Variants in AVL9 observed in about 807,000 individuals in gnomAD.
The protein encoded by AVL9 is AVL9 cell migration associated.
A neutral mutation model predicts 79.2 loss-of-function variants in AVL9; 49 were observed. The ratio of observed to expected loss-of-function variants is 0.62; its 90% CI spans 0.49 to 0.79. The LOEUF is 0.79. Ranked by LOEUF, AVL9 falls within the 30% of genes least tolerant of loss-of-function variation. The pLI is 0.00. For synonymous variants in AVL9, 299 were observed against 280.6 expected (o/e 1.07, Z -0.65); for missense variants, 682 against 776.8 (o/e 0.88, Z 1.45).
chr7:32,531,071 A>G (rs948167015), intron 1 of AVL9, among the ~76,000 whole-genome samples: 6 of 152,238 alleles, frequency 3.9e-5, no homozygotes, highest in African/African-American at 1.4e-4. Flanking sequence ...TTTTAAAGAA[A>G]AAAGACAAAT....
rs147078677 is a variant in AVL9, at chr7:32,554,312, T to C, written c.571-246T>C. 1.2e-4 allele frequency among the ~76,000 whole-genome samples: 18 copies of C among 152,314 alleles called. No individual in the cohort carries two copies. In the East Asian group the frequency reaches 3.5e-3, roughly 29 times the overall value. On this transcript the variant is annotated intron_variant, in intron 7 of 15. Coordinates refer to ENST00000318709, the MANE Select transcript of AVL9 (RefSeq NM_015060.3). Reference sequence around the variant, plus strand: ...GGGTCCCCTTTAAAGAGCTTACAGATACTTCAAGCAAAAATGGTACCACCC... The same window carrying C: ...GGGTCCCCTTTAAAGAGCTTACAGACACTTCAAGCAAAAATGGTACCACCC...
At chr7:32,553,607 A>G in intron 6 of AVL9, 120 bp from the exon 7 acceptor site, 2 of 681,900 alleles carry the variant, frequency 2.9e-6, no homozygotes, top group Non-Finnish European at 2.5e-6. Context: ...ATATTTGGAT[A>G]TTTGCATATT....
intron 1 of AVL9, among the ~76,000 whole-genome samples, chr7:32,512,641 C>T (rs1270242829): frequency 2.6e-5 from 4 of 152,132 alleles, no homozygotes; most frequent in African/African-American, 9.7e-5. Context: ...TGGTTTGATG[C>T]CTTTCTGTTC....
intron 10 of AVL9, among the ~76,000 whole-genome samples, chr7:32,564,896 G>A (rs7791704): frequency 0.84 from 127,554 of 152,136 alleles, 53,527 homozygotes; most frequent in Middle Eastern, 0.88. Context: ...TGTAATATTT[G>A]TGCTCTGCTG....
intron 15 of AVL9, among the ~76,000 whole-genome samples, chr7:32,583,441 T>G (rs1036558590): frequency 4.6e-5 from 7 of 152,228 alleles, no homozygotes; most frequent in African/African-American, 1.4e-4. Context: ...CTCACACCTG[T>G]GATCCCAACA....
intron 1 of AVL9, among the ~76,000 whole-genome samples, chr7:32,512,919 C>T (rs936502317): frequency 1.4e-5 from 2 of 138,820 alleles, no homozygotes; most frequent in Non-Finnish European, 3.2e-5. Context: ...ACTGACTCCT[C>T]TTGTTTCATA....
At chr7:32,570,808 A>C (rs1790801877) in intron 11 of AVL9, among the ~76,000 whole-genome samples, 1 of 151,066 alleles carries the variant, frequency 6.6e-6, no homozygotes, top group African/African-American at 2.4e-5. Flanking sequence ...TTTAGTAGAG[A>C]TGGGGTTTCA....
intron 10 of AVL9, among the ~76,000 whole-genome samples, chr7:32,566,905 A>C (rs1790606238): frequency 6.6e-6 from 1 of 152,068 alleles, no homozygotes; most frequent in Admixed American, 6.6e-5. Context: ...AGTAAATGTG[A>C]CTTTTAGTGT....
At chr7:32,543,308 T>G (rs981025778) in intron 2 of AVL9, 47 bp downstream of exon 2, 2 of 1,598,758 alleles carry the variant, frequency 1.3e-6, no homozygotes, top group Non-Finnish European at 1.7e-6. Context: ...TTTGAAAAAA[T>G]TTGCCAAGAT....
At position 32,588,018 on chromosome 7, in the gene AVL9, C is replaced by CTA. The variant is rs1295434933; in HGVS notation, c.*4112_*4113dup. On this transcript the variant is annotated 3_prime_UTR_variant, in exon 16 of 16. Transcript: ENST00000318709. ...GGGGTTGAATATATTTTGTAAAACTCTAAATACATTTGTATTTCTGTGCTG... is the reference window on the plus strand; with the variant it reads ...GGGGTTGAATATATTTTGTAAAACTCTATAAATACATTTGTATTTCTGTGCTG... 2 of 152,182 alleles carry CTA rather than the reference C, an allele frequency of 1.3e-5. No homozygotes were observed. The highest frequency in any genetic ancestry group is 4.8e-5 in the African/African-American group (2 of 41,444). The allele number at this position is 152,182 out of a possible 1,614,324, so 9.4% of individuals were successfully genotyped here. A position where few individuals can be genotyped will look rare whatever the true frequency, so the allele number is the denominator to read the frequency against.
intron 1 of AVL9, among the ~76,000 whole-genome samples, chr7:32,497,741 T>C (rs1786917196): frequency 6.6e-6 from 1 of 150,398 alleles, no homozygotes; most frequent in Admixed American, 6.6e-5. Context: ...AAGCTCTGCC[T>C]CCTGGGTTCA....
intron 1 of AVL9, among the ~76,000 whole-genome samples, chr7:32,540,712 A>C (rs971978320): frequency 1.3e-4 from 20 of 152,008 alleles, no homozygotes; most frequent in African/African-American, 4.8e-4. Flanking sequence ...GTTGCCCTCC[A>C]AACTGTTGTG....
chr7:32,584,393 T>C lies in AVL9; in HGVS notation c.*486T>C, dbSNP rs1406786175. On this transcript the variant is annotated 3_prime_UTR_variant, in exon 16 of 16. Coordinates refer to ENST00000318709, the MANE Select transcript of AVL9 (RefSeq NM_015060.3). ...TTCATTATTTTGCTGAATTATGTGATGATTTTTTTGCTTTCTACCCACAAA... is the reference window on the plus strand; with the variant it reads ...TTCATTATTTTGCTGAATTATGTGACGATTTTTTTGCTTTCTACCCACAAA... 1 of 153,694 alleles carries C rather than the reference T, an allele frequency of 6.5e-6. No individual in the cohort carries two copies. Among genetic ancestry groups the C allele is most frequent in the Admixed American group, 6.4e-5 (1 of 15,574 alleles). 9.5% of individuals were successfully genotyped at this position (153,694 alleles called of 1,614,324 possible). A position where few individuals can be genotyped will look rare whatever the true frequency, so the allele number is the denominator to read the frequency against.
rs561858694 is a variant in AVL9 at position 32,573,895 on chromosome 7, C to T, written c.1570+477C>T. ...AATGATTAAATCTTCAAATTTATAA[C>T]CCATTCTAAGAAATATTATTATTCG... is the stretch of plus-strand genomic sequence containing the variant. On this transcript the variant is annotated intron_variant, in intron 12 of 15. Transcript: ENST00000318709. Among the ~76,000 whole-genome samples, 11 of 152,192 alleles carry T rather than the reference C, an allele frequency of 7.2e-5. No individual in the cohort carries two copies. The South Asian group carries it at 2.3e-3, about 32-fold the overall frequency.
At chr7:32,549,037 T>C in intron 4 of AVL9, 119 bp downstream of exon 4, 2 of 533,374 alleles carry the variant, frequency 3.7e-6, no homozygotes, top group Admixed American at 4.0e-5. Context: ...ATTTATGCCC[T>C]AGCATCTCCT....
At chr7:32,565,109 G>A (rs1234842877) in intron 10 of AVL9, among the ~76,000 whole-genome samples, 1 of 152,204 alleles carries the variant, frequency 6.6e-6, no homozygotes, top group Non-Finnish European at 1.5e-5. Flanking sequence ...AAAATAGTTA[G>A]TGGAGGACTG....
Position 32,499,631 on chromosome 7 carries a change from G to A in AVL9, c.93+3829G>A, listed in dbSNP as rs192978289. On this transcript the variant is annotated intron_variant, in intron 1 of 15. Coordinates refer to ENST00000318709, the MANE Select transcript of AVL9 (RefSeq NM_015060.3). ...TCTGGGATACATGTGCGAAACATTC[G>A]GGTTTGTTATATAGGTATACATGTG... Among the ~76,000 whole-genome samples, 65 of 151,916 alleles carry A rather than the reference G, an allele frequency of 4.3e-4. No homozygotes were observed. In the South Asian group the frequency reaches 6.7e-3, roughly 16 times the overall value.
At chr7:32,550,372 A>T (rs1462000300) in intron 4 of AVL9, among the ~76,000 whole-genome samples, 1 of 133,520 alleles carries the variant, frequency 7.5e-6, no homozygotes, top group African/African-American at 2.6e-5. Flanking sequence ...AAATTGGGGT[A>T]AAAAAATCGA....
chr7:32,540,038 A>AC (rs923688078), intron 1 of AVL9, among the ~76,000 whole-genome samples: 254 of 151,618 alleles, frequency 1.7e-3, no homozygotes, highest in African/African-American at 6.0e-3. Context: ...GGTAACAAAT[A>AC]GAGTCCGGGG....
Sources: allele counts gnomAD v4.1 joint callset (sites outside exome capture counted in the v4.1 genomes callset), GRCh38; gene constraint gnomAD v4.1.1; transcripts MANE v1.5; gene names NCBI Gene and HGNC (gene_info 2026-07-23, HGNC 2026-07-21).